Variants in TRAPPC13 observed in about 807,000 individuals in gnomAD.
TRAPPC13 encodes REV7-interacting novel NHEJ regulator 1.
Under a neutral mutation model 54.0 loss-of-function variants are expected in TRAPPC13, and 39 were observed. The observed-to-expected ratio is 0.72, with a 90% CI of 0.56 to 0.94. The LOEUF is 0.94. Ranked by LOEUF, TRAPPC13 falls within the 40% of genes least tolerant of loss-of-function variation. TRAPPC13 has a pLI of 0.00. For missense variants in TRAPPC13, 386 were observed against 488.1 expected (o/e 0.79, Z 1.97); for synonymous variants, 148 against 167.7 (o/e 0.88, Z 0.91).
intron 6 of TRAPPC13, 22 bp from the exon 7 acceptor site, chr5:65,652,479 T>C (rs1756501991): frequency 1.3e-6 from 2 of 1,560,670 alleles, no homozygotes; most frequent in Non-Finnish European, 1.8e-6. Context: ...AATCTCCTGA[T>C]TGATATGCTT....
chr5:65,637,408 G>A (rs1234025015), intron 3 of TRAPPC13, among the ~76,000 whole-genome samples: 2 of 152,094 alleles, frequency 1.3e-5, no homozygotes, highest in Non-Finnish European at 2.9e-5. Context: ...GAGGCGGGCG[G>A]ATCATGAGAT....
chr5:65,664,770 G>T lies in TRAPPC13; in HGVS notation c.*159G>T. 3.2e-6 allele frequency: 2 copies of T among 616,306 alleles called. No individual in the cohort carries two copies. The highest frequency in any genetic ancestry group is 2.8e-6 in the Non-Finnish European group (1 of 351,886). The allele number at this position is 616,306 out of a possible 1,614,324, so 38.2% of individuals were successfully genotyped here. On this transcript the variant is annotated 3_prime_UTR_variant, in exon 13 of 13. Coordinates refer to ENST00000399438, the MANE Select transcript of TRAPPC13 (RefSeq NM_024941.4). Reference sequence around the variant, plus strand: ...TTAAATATTTGTTTTGAAGAGATCTGATTTTATCTTGTAATTTATATTTGA... The same window carrying T: ...TTAAATATTTGTTTTGAAGAGATCTTATTTTATCTTGTAATTTATATTTGA...
At chr5:65,630,385 T>C (rs980435839) in intron 1 of TRAPPC13, 2 of 1,439,680 alleles carry the variant, frequency 1.4e-6, no homozygotes, top group Non-Finnish European at 1.8e-6. Context: ...ATGAAATGAA[T>C]ATGGATTGAA....
chr5:65,637,284 C>A (rs1193800519), intron 3 of TRAPPC13, among the ~76,000 whole-genome samples: 1 of 152,206 alleles, frequency 6.6e-6, no homozygotes, highest in Non-Finnish European at 1.5e-5. Context: ...GATTTCTATC[C>A]TTCAGTAAAT....
chr5:65,647,189 A>T lies in TRAPPC13; in HGVS notation c.428+7A>T, dbSNP rs551912160. 119 of 1,565,780 alleles carry T rather than the reference A, an allele frequency of 7.6e-5. No homozygotes were observed. The East Asian group carries it at 2.5e-3, about 33-fold the overall frequency. ...AAGAAATTGGAACACACATGTAAGG[A>T]TTAATTTTATTAGTTCTCAAAGGTT... On this transcript the variant is annotated splice_region_variant and intron_variant, in intron 5 of 12. Coordinates refer to ENST00000399438, the MANE Select transcript of TRAPPC13 (RefSeq NM_024941.4).
rs896397808 is a variant in TRAPPC13 at position 65,650,740 on chromosome 5, T to C, written c.429-70T>C. On this transcript the variant is annotated intron_variant, in intron 5 of 12. Transcript: ENST00000399438. ...GTGTTTTCCAAATTTCTTAGTAGAATTGAGGTGTGTTTGATTTACTATTAA... is the reference window on the plus strand; with the variant it reads ...GTGTTTTCCAAATTTCTTAGTAGAACTGAGGTGTGTTTGATTTACTATTAA... 4.8e-6 allele frequency: 6 copies of C among 1,245,284 alleles called. No homozygotes were observed. The African/African-American group carries it at 8.9e-5, about 18-fold the overall frequency. The allele number at this position is 1,245,284 out of a possible 1,614,324, so 77.1% of individuals were successfully genotyped here.
chr5:65,654,936 T>A (rs1756597264), intron 7 of TRAPPC13, among the ~76,000 whole-genome samples: 1 of 152,170 alleles, frequency 6.6e-6, no homozygotes, highest in Non-Finnish European at 1.5e-5. Context: ...AACTATAATG[T>A]AAGCCCCTCC....
chr5:65,640,742 G>C (rs145777359), intron 4 of TRAPPC13, among the ~76,000 whole-genome samples: 1 of 152,072 alleles, frequency 6.6e-6, no homozygotes, highest in East Asian at 1.9e-4. Flanking sequence ...AATAGCAAAG[G>C]CATATACTTT....
At chr5:65,635,856 T>A in intron 2 of TRAPPC13, 88 bp from the exon 3 acceptor site, 3 of 790,048 alleles carry the variant, frequency 3.8e-6, no homozygotes, top group South Asian at 4.5e-5. Flanking sequence ...GGTTGTTTTT[T>A]AAAATATCTC....
In TRAPPC13 at chr5:65,625,541, T is replaced by C. The variant is rs139810383; in HGVS notation, c.46+435T>C. The C allele has an allele frequency of 6.4e-3, 1,067 of 165,896 alleles. 11 individuals are homozygous for C. The highest frequency in any genetic ancestry group is 0.024 in the African/African-American group (1,020 of 42,078). The allele number at this position is 165,896 out of a possible 1,614,324, so 10.3% of individuals were successfully genotyped here. On this transcript the variant is annotated intron_variant, in intron 1 of 12. Transcript: ENST00000399438. ...GTGCAGAGAATTTAGCAATACATAG[T>C]AATACAACATATAACTTAGATTTAT... is the stretch of plus-strand genomic sequence containing the variant.
intron 6 of TRAPPC13, among the ~76,000 whole-genome samples, chr5:65,652,224 A>G (rs1216830016): frequency 1.3e-5 from 2 of 151,930 alleles, no homozygotes; most frequent in Non-Finnish European, 2.9e-5. Context: ...CATAAAATGT[A>G]TGTGTTTGGT....
intron 5 of TRAPPC13, among the ~76,000 whole-genome samples, chr5:65,648,382 T>G (rs1756290447): frequency 8.7e-6 from 1 of 114,916 alleles, no homozygotes; most frequent in African/African-American, 3.1e-5. Context: ...GTTTCGTATT[T>G]ACTTATTGAG....
intron 10 of TRAPPC13, 55 bp downstream of exon 10, chr5:65,660,952 G>T: frequency 6.9e-7 from 1 of 1,440,768 alleles, no homozygotes; most frequent in South Asian, 1.4e-5. Flanking sequence ...CAGGTAGTTA[G>T]AACAACTTAA....
chr5:65,626,866 A>C (rs1755258667), intron 1 of TRAPPC13, among the ~76,000 whole-genome samples: 1 of 151,888 alleles, frequency 6.6e-6, no homozygotes, highest in Non-Finnish European at 1.5e-5. Flanking sequence ...AGCCTAAGCC[A>C]GGCGTGGTGG....
chr5:65,629,375 T>G, intron 1 of TRAPPC13: 1 of 908,234 alleles, frequency 1.1e-6, no homozygotes, highest in Non-Finnish European at 1.5e-6. Context: ...ACATTGGGAT[T>G]GGTTTTTGTT....
chr5:65,660,874 C>A lies in TRAPPC13; in HGVS notation c.874C>A (p.Gln292Lys). Residue 292 changes from glutamine (Q) to lysine (K), a missense_variant, in exon 10 of 13, where the codon CAG (glutamine) becomes AAG (lysine). Physicochemically the swap from Gln to Lys is moderately conservative, Grantham distance 53 (BLOSUM62 1). Coordinates refer to ENST00000399438, the MANE Select transcript of TRAPPC13 (RefSeq NM_024941.4). ...KTNLGERGRLQTSQLQRMAPG... is the reference protein window; with the variant it reads ...KTNLGERGRLKTSQLQRMAPG... The stretch of plus-strand genomic sequence containing the variant: ...AAATCTAGGTGAAAGGGGAAGGTTA[C>A]AGACCAGCCAACTTCAAAGAATGGT... 1 of 1,610,894 alleles carries A rather than the reference C, an allele frequency of 6.2e-7. No individual in the cohort carries two copies. The highest frequency in any genetic ancestry group is 8.5e-7 in the Non-Finnish European group (1 of 1,178,536).
At chr5:65,649,971 C>T (rs1581224792) in intron 5 of TRAPPC13, among the ~76,000 whole-genome samples, 1 of 151,342 alleles carries the variant, frequency 6.6e-6, no homozygotes, top group African/African-American at 2.4e-5. Flanking sequence ...ATTCTCCTGC[C>T]TCAGACTCCC....
chr5:65,627,497 G>C (rs537531231), intron 1 of TRAPPC13, among the ~76,000 whole-genome samples: 5 of 152,194 alleles, frequency 3.3e-5, no homozygotes, highest in African/African-American at 1.2e-4. Context: ...AGGCGTGATG[G>C]TGTGCACCAG....
chr5:65,629,071 T>C (rs1755399599), intron 1 of TRAPPC13, among the ~76,000 whole-genome samples: 1 of 152,200 alleles, frequency 6.6e-6, no homozygotes, highest in Non-Finnish European at 1.5e-5. Flanking sequence ...TTTAGTTGCC[T>C]CAAATTTTTA....
Sources: allele counts gnomAD v4.1 joint callset (sites outside exome capture counted in the v4.1 genomes callset), GRCh38; gene constraint gnomAD v4.1.1; transcripts MANE v1.5; gene names NCBI Gene and HGNC (gene_info 2026-07-23, HGNC 2026-07-21).